The following FGF14 variants were observed in gnomAD, a reference collection of about 807,000 sequenced individuals.
FGF14 encodes the protein fibroblast growth factor homologous factor 4.
Under a neutral mutation model 25.5 loss-of-function variants are expected in FGF14, and 5 were observed. The observed-to-expected ratio is 0.20, with a 90% CI of 0.10 to 0.41. FGF14 has a LOEUF of 0.41. FGF14 is among the 10% of genes least tolerant of loss of function. The probability of loss-of-function intolerance (pLI) is 1.00; values close to 1 mark genes in which losing one functional copy is unlikely to be tolerated. For missense variants in FGF14, 222 were observed against 320.1 expected (o/e 0.69, Z 2.34); for synonymous variants, 138 against 118.3 (o/e 1.17, Z -1.08).
At chr13:102,186,889 G>A (rs922448669) in intron 1 of FGF14, among the ~76,000 whole-genome samples, 2 of 152,154 alleles carry the variant, frequency 1.3e-5, no homozygotes, top group Non-Finnish European at 2.9e-5. Flanking sequence ...TATACATGTA[G>A]TGCACATACA....
chr13:102,154,660 A>G (rs2480486), intron 1 of FGF14, among the ~76,000 whole-genome samples: 103,105 of 151,812 alleles, frequency 0.68, 36,079 homozygotes, highest in East Asian at 0.92. Flanking sequence ...AAATTCACAC[A>G]TAACAATATT....
intron 1 of FGF14, among the ~76,000 whole-genome samples, chr13:101,986,707 C>G (rs867488020): frequency 3.9e-5 from 6 of 152,086 alleles, no homozygotes; most frequent in African/African-American, 1.4e-4. Flanking sequence ...ATTACCTATC[C>G]ATGTGCACAT....
rs1347291227 is a variant in FGF14 at position 101,712,259 on chromosome 13, A to G, written c.*10572T>C. The G allele has an allele frequency of 6.6e-6, 1 of 152,230 alleles. No individual in the cohort carries two copies. The highest frequency in any genetic ancestry group is 6.5e-5 in the Admixed American group (1 of 15,284). 9.4% of individuals were successfully genotyped at this position (152,230 alleles called of 1,614,324 possible). On this transcript the variant is annotated 3_prime_UTR_variant, in exon 5 of 5. Coordinates refer to ENST00000376143, the MANE Select transcript of FGF14 (RefSeq NM_004115.4). ...GGGAAAATGCTGACCTAGAAATGCT[A>G]CTGTTTCATGACACATACAAAATCA...
chr13:101,947,604 A>T (rs956463811), intron 1 of FGF14, among the ~76,000 whole-genome samples: 1 of 152,198 alleles, frequency 6.6e-6, no homozygotes, highest in African/African-American at 2.4e-5. Flanking sequence ...CAAATACCAC[A>T]TGTCTTCACC....
intron 1 of FGF14, among the ~76,000 whole-genome samples, chr13:102,059,522 T>C (rs1268348428): frequency 2.0e-5 from 3 of 152,160 alleles, no homozygotes; most frequent in Non-Finnish European, 4.4e-5. Context: ...ATGCAAGTCT[T>C]CTAAATAATT....
intron 1 of FGF14, among the ~76,000 whole-genome samples, chr13:102,221,961 C>T (rs915138977): frequency 6.6e-6 from 1 of 152,084 alleles, no homozygotes; most frequent in Non-Finnish European, 1.5e-5. Flanking sequence ...GAAATTCTAT[C>T]ACAGATTAGA....
chr13:102,253,049 A>G (rs770180007), intron 1 of FGF14, among the ~76,000 whole-genome samples: 1 of 152,108 alleles, frequency 6.6e-6, no homozygotes, highest in Non-Finnish European at 1.5e-5. Context: ...TGTGCCACAT[A>G]TTCTTTATCC....
At chr13:102,374,861 T>G (rs1014358163) in intron 1 of FGF14, among the ~76,000 whole-genome samples, 1 of 151,632 alleles carries the variant, frequency 6.6e-6, no homozygotes, top group African/African-American at 2.4e-5. Flanking sequence ...CAATTTTAAC[T>G]AAATTTCCAG....
chr13:101,725,158 A>G (rs1486532645), intron 4 of FGF14, among the ~76,000 whole-genome samples: 1 of 152,100 alleles, frequency 6.6e-6, no homozygotes, highest in Admixed American at 6.6e-5. Flanking sequence ...TGGCAAATAA[A>G]CAATGGTCTT....
chr13:102,048,409 T>A (rs1404636626), intron 1 of FGF14, among the ~76,000 whole-genome samples: 1 of 152,196 alleles, frequency 6.6e-6, no homozygotes. Context: ...ACGGTAACTA[T>A]CATTTTTTGT....
At chr13:102,274,341 A>G (rs1257678347) in intron 1 of FGF14, among the ~76,000 whole-genome samples, 1 of 152,222 alleles carries the variant, frequency 6.6e-6, no homozygotes, top group African/African-American at 2.4e-5. Flanking sequence ...TTTAAGTTCC[A>G]TAAGGAATGC....
chr13:101,855,649 A>G (rs1226318679), intron 3 of FGF14, among the ~76,000 whole-genome samples: 3 of 151,940 alleles, frequency 2.0e-5, no homozygotes, highest in Non-Finnish European at 1.5e-5. Context: ...AAATTGCATC[A>G]TATTTTGGAC....
intron 3 of FGF14, 120 bp from the exon 4 acceptor site, chr13:101,726,930 A>G (rs2035477930): frequency 1.4e-6 from 1 of 697,136 alleles, no homozygotes; most frequent in African/African-American, 1.8e-5. Context: ...GGAGGACCGG[A>G]TATACCCCTT....
chr13:102,249,741 C>T (rs1443753196), intron 1 of FGF14, among the ~76,000 whole-genome samples: 1 of 152,214 alleles, frequency 6.6e-6, no homozygotes, highest in Non-Finnish European at 1.5e-5. Context: ...GCACTTCCTT[C>T]TTGTTCCCCA....
intron 1 of FGF14, among the ~76,000 whole-genome samples, chr13:102,135,429 AT>A (rs1268351879): frequency 6.6e-6 from 1 of 152,206 alleles, no homozygotes; most frequent in Non-Finnish European, 1.5e-5. Flanking sequence ...ATACGAACAA[AT>A]AGCACATTTA....
chr13:102,163,673 T>C (rs2047877231), intron 1 of FGF14, among the ~76,000 whole-genome samples: 1 of 151,968 alleles, frequency 6.6e-6, no homozygotes, highest in Non-Finnish European at 1.5e-5. Context: ...GCAAAGGCAA[T>C]TGAGGAACAC....
At chr13:101,810,314 T>A (rs1029305675) in intron 3 of FGF14, among the ~76,000 whole-genome samples, 2 of 152,254 alleles carry the variant, frequency 1.3e-5, no homozygotes, top group Admixed American at 6.5e-5. Flanking sequence ...CAACTGTGCA[T>A]AGTATTGTGT....
chr13:102,308,186 C>T (rs749538181), intron 1 of FGF14, among the ~76,000 whole-genome samples: 29 of 152,118 alleles, frequency 1.9e-4, no homozygotes, highest in Non-Finnish European at 3.1e-4. Context: ...CAGATATCTC[C>T]CTAAGATACT....
At chr13:101,766,864 C>T (rs569476801) in intron 3 of FGF14, among the ~76,000 whole-genome samples, 3 of 152,222 alleles carry the variant, frequency 2.0e-5, no homozygotes, top group South Asian at 4.1e-4. Context: ...GAATGCCAGG[C>T]ACCTCCTGGG....
Sources: allele counts gnomAD v4.1 joint callset (sites outside exome capture counted in the v4.1 genomes callset), GRCh38; gene constraint gnomAD v4.1.1; transcripts MANE v1.5; gene names NCBI Gene and HGNC (gene_info 2026-07-23, HGNC 2026-07-21).